Variants in UGGT1 observed in about 807,000 individuals in gnomAD.
UGGT1 encodes UDP-glucose:glycoprotein glucosyltransferase 1.
Under a neutral mutation model 203.9 loss-of-function variants are expected in UGGT1, and 107 were observed. The observed-to-expected ratio is 0.52, with a 90% CI of 0.45 to 0.62. UGGT1 has a LOEUF of 0.62. UGGT1 is among the 20% of genes least tolerant of loss of function. UGGT1 has a pLI of 0.00. For synonymous variants in UGGT1, 628 were observed against 653.5 expected (o/e 0.96, Z 0.59); for missense variants, 1,673 against 1,867.2 (o/e 0.90, Z 1.92).
chr2:128,121,401 G>GTT, intron 10 of UGGT1, 103 bp downstream of exon 10: 3 of 463,274 alleles, frequency 6.5e-6, no homozygotes, highest in South Asian at 3.3e-5. Flanking sequence ...AGAAAATTAA[G>GTT]ATTCTTTTTT....
Sources: allele counts gnomAD v4.1 joint callset, GRCh38; gene constraint gnomAD v4.1.1; transcripts MANE v1.5; gene names NCBI Gene and HGNC (gene_info 2026-07-23, HGNC 2026-07-21).